The following SLC38A12 variants were observed in gnomAD, a reference collection of about 807,000 sequenced individuals.
SLC38A12 encodes the protein solute carrier family 38 member 12.
the SLC38A12 span, chr17:74,836,180 C>A: frequency 6.2e-7 from 1 of 1,613,058 alleles, no homozygotes; most frequent in East Asian, 2.2e-5. This position sits in a 1 kb window ranked among gnomAD's most constrained non-coding sequence, Gnocchi z 4.2. Context: ...CCATCTTCTG[C>A]TTCCGCGGCG....
At chr17:74,813,495 GTT>G in the SLC38A12 span, among the ~76,000 whole-genome samples, 1 of 150,998 alleles carries the variant, frequency 6.6e-6, no homozygotes, top group Non-Finnish European at 1.5e-5. Context: ...GTTTTGTTTT[GTT>G]TTGTTTTTTT....
At chr17:74,793,745 A>G in the SLC38A12 span, among the ~76,000 whole-genome samples, 1 of 152,140 alleles carries the variant, frequency 6.6e-6, no homozygotes, top group Non-Finnish European at 1.5e-5. Flanking sequence ...TGACAGGCCA[A>G]CCCCAGAGGC....
At chr17:74,781,668 C>T in the SLC38A12 span, among the ~76,000 whole-genome samples, 437 of 152,286 alleles carry the variant, frequency 2.9e-3, 1 homozygote, top group African/African-American at 9.0e-3. Context: ...GTTTTTTTCC[C>T]TTCATAAGTA....
At chr17:74,794,317 G>A in the SLC38A12 span, among the ~76,000 whole-genome samples, 1 of 152,214 alleles carries the variant, frequency 6.6e-6, no homozygotes, top group Non-Finnish European at 1.5e-5. Context: ...TGGAGTGAGA[G>A]GGGACAAACG....
chr17:74,813,357 G>A, the SLC38A12 span, among the ~76,000 whole-genome samples: 1 of 152,236 alleles, frequency 6.6e-6, no homozygotes, highest in Non-Finnish European at 1.5e-5. Context: ...GGGTAATTGT[G>A]TGTCACTCTT....
chr17:74,820,876 G>A, the SLC38A12 span, among the ~76,000 whole-genome samples: 10 of 152,204 alleles, frequency 6.6e-5, no homozygotes, highest in Admixed American at 6.5e-4. Context: ...GACACTTTCT[G>A]ATCTAAATGA....
At chr17:74,833,017 CTTGT>C in the SLC38A12 span, among the ~76,000 whole-genome samples, 63 of 151,800 alleles carry the variant, frequency 4.2e-4, no homozygotes, top group Middle Eastern at 3.4e-3. Context: ...ATATCCGTGG[CTTGT>C]TTGTTTGTTT....
At chr17:74,777,290 C>T in the SLC38A12 span, 4 of 1,613,714 alleles carry the variant, frequency 2.5e-6, no homozygotes, top group Non-Finnish European at 3.4e-6. Flanking sequence ...CGTCCTTGCA[C>T]CTAAGGAACC....
the SLC38A12 span, among the ~76,000 whole-genome samples, chr17:74,801,636 C>T: frequency 1.5e-4 from 23 of 152,166 alleles, no homozygotes; most frequent in Non-Finnish European, 2.6e-4. Context: ...TGTGCGTGCC[C>T]GTACCCGCCA....
the SLC38A12 span, among the ~76,000 whole-genome samples, chr17:74,822,190 G>A: frequency 2.0e-5 from 3 of 152,242 alleles, no homozygotes; most frequent in Admixed American, 6.5e-5. Context: ...ATCAGTCAGA[G>A]GAGAAGCCAA....
chr17:74,832,083 G>A, the SLC38A12 span, among the ~76,000 whole-genome samples: 2 of 152,102 alleles, frequency 1.3e-5, no homozygotes, highest in Non-Finnish European at 2.9e-5. Context: ...ACAAGGGGGT[G>A]GGGCCACAGG....
chr17:74,835,906 C>T, the SLC38A12 span: 3 of 1,580,836 alleles, frequency 1.9e-6, no homozygotes, highest in Non-Finnish European at 2.6e-6. Flanking sequence ...CACCAGGTGA[C>T]TCCTCTCTCT....
the SLC38A12 span, among the ~76,000 whole-genome samples, chr17:74,797,690 G>C: frequency 1.3e-5 from 2 of 152,220 alleles, no homozygotes; most frequent in Admixed American, 1.3e-4. Context: ...CCAGACCCTG[G>C]TGCTTTCATT....
At chr17:74,814,632 C>A in the SLC38A12 span, among the ~76,000 whole-genome samples, 1 of 152,196 alleles carries the variant, frequency 6.6e-6, no homozygotes, top group African/African-American at 2.4e-5. Context: ...CTGGCTTTGC[C>A]AAGTCAGGCA....
chr17:74,835,122 T>C, the SLC38A12 span, among the ~76,000 whole-genome samples: 1 of 152,178 alleles, frequency 6.6e-6, no homozygotes, highest in Non-Finnish European at 1.5e-5. Flanking sequence ...AGCTGTTTGC[T>C]CTGAACAGAT....
chr17:74,776,518 C>T, the SLC38A12 span: 1 of 151,788 alleles, frequency 6.6e-6, no homozygotes, highest in African/African-American at 2.4e-5. Flanking sequence ...TGCTGGACAG[C>T]TGGCGCCGGC....
the SLC38A12 span, among the ~76,000 whole-genome samples, chr17:74,807,769 C>T: frequency 2.6e-5 from 4 of 152,224 alleles, no homozygotes; most frequent in Admixed American, 6.5e-5. Flanking sequence ...TTAGAGTAGG[C>T]GCCAGCTCCA....
the SLC38A12 span, chr17:74,836,095 A>C: frequency 6.2e-7 from 1 of 1,613,436 alleles, no homozygotes; most frequent in South Asian, 1.1e-5. This position sits in a 1 kb window ranked among gnomAD's most constrained non-coding sequence, Gnocchi z 4.2. Flanking sequence ...GTCTCCTCCA[A>C]GCGCCACCTC....
chr17:74,836,240 G>T, the SLC38A12 span: 2 of 1,611,404 alleles, frequency 1.2e-6, no homozygotes. The surrounding 1 kb of genome is among the most constrained non-coding windows in gnomAD (Gnocchi z 4.2). Flanking sequence ...GTGACGTCGT[G>T]GGCCTGGCCG....
Sources: gnomAD v4.1 joint callset for allele counts (sites outside exome capture counted in the v4.1 genomes callset) on GRCh38, gnomAD v4.1.1 for gene constraint, Gnocchi (gnomAD v3.1) non-coding constraint, MANE v1.5 for transcripts, NCBI Gene and HGNC (gene_info 2026-07-23, HGNC 2026-07-21) for gene names.